VPS8: variants seen among roughly 807,000 people sequenced by gnomAD.
VPS8 encodes VPS8 subunit of CORVET complex.
Under a neutral mutation model 216.4 loss-of-function variants are expected in VPS8, and 129 were observed. That is an observed-to-expected ratio of 0.60 (90% CI 0.52 to 0.69). The LOEUF (loss-of-function observed/expected upper bound fraction) is 0.69, where lower values mean the gene tolerates loss of function less well. Ranked by LOEUF, VPS8 falls within the 30% of genes least tolerant of loss-of-function variation. VPS8 has a pLI of 0.00. For synonymous variants in VPS8, 571 were observed against 565.4 expected (o/e 1.01, Z -0.14); for missense variants, 1,531 against 1,683.5 (o/e 0.91, Z 1.59).
intron 22 of VPS8, among the ~76,000 whole-genome samples, chr3:184,889,934 A>C (rs548893901): frequency 1.3e-5 from 2 of 152,246 alleles, no homozygotes; most frequent in South Asian, 4.1e-4. Flanking sequence ...TATTTCAAAC[A>C]TGCAATGACT....
rs556611709 is a variant in VPS8 at position 184,818,078 on chromosome 3, A to T, written c.-89+5853A>T. ...GGAAGGTGAATCAGCTTGAGCAGAC[A>T]TGAAGGGAAAGTGGAAGCTATTCAT... On this transcript the variant is annotated intron_variant, in intron 1 of 47. Coordinates refer to ENST00000625842, the MANE Select transcript of VPS8 (RefSeq NM_001009921.3). Among the ~76,000 whole-genome samples, 20 of 152,310 alleles carry T rather than the reference A, an allele frequency of 1.3e-4. No individual in the cohort carries two copies. In the South Asian group the frequency reaches 1.5e-3, roughly 11 times the overall value.
chr3:184,957,597 G>T, intron 37 of VPS8, 76 bp downstream of exon 37: 1 of 1,428,838 alleles, frequency 7.0e-7, no homozygotes, highest in Non-Finnish European at 9.3e-7. Flanking sequence ...TCAAAGACAA[G>T]GGGAAAAAAT....
chr3:184,977,001 G>T (rs1475732393), intron 40 of VPS8, among the ~76,000 whole-genome samples: 1 of 152,152 alleles, frequency 6.6e-6, no homozygotes, highest in Non-Finnish European at 1.5e-5. Flanking sequence ...TGGGTCAAAT[G>T]GTAGTTCAAC....
intron 40 of VPS8, among the ~76,000 whole-genome samples, chr3:184,975,146 G>A (rs1349457108): frequency 6.6e-6 from 1 of 152,040 alleles, no homozygotes; most frequent in Non-Finnish European, 1.5e-5. Context: ...ATTGCTTTGG[G>A]TAGTATTGTC....
chr3:184,893,233 G>C, intron 22 of VPS8: 1 of 1,276,100 alleles, frequency 7.8e-7, no homozygotes, highest in Non-Finnish European at 1.0e-6. Context: ...TCCCCTTCCA[G>C]GACTTCAGAT....
intron 46 of VPS8, among the ~76,000 whole-genome samples, chr3:185,032,947 G>A (rs1433074763): frequency 5.3e-5 from 8 of 152,248 alleles, no homozygotes; most frequent in Admixed American, 4.6e-4. Context: ...GATTACAGGC[G>A]TGAGCCACCC....
Position 184,926,376 on chromosome 3 carries a change from C to CAATAAATAAATAAATAAATA in VPS8, c.2575-209_2575-190dup, listed in dbSNP as rs150917702. Among the ~76,000 whole-genome samples, 1,188 of 149,564 alleles carry CAATAAATAAATAAATAAATA rather than the reference C, an allele frequency of 7.9e-3. 16 individuals are homozygous for CAATAAATAAATAAATAAATA. Among genetic ancestry groups the CAATAAATAAATAAATAAATA allele is most frequent in the African/African-American group, 0.029 (1,146 of 39,894 alleles). ...TGGGCGACAGAGTGAGACTCTGTCTCAATAAATAAATAAATAAATAAATAA... is the reference window on the plus strand; with the variant it reads ...TGGGCGACAGAGTGAGACTCTGTCTCAATAAATAAATAAATAAATAAATAAATAAATAAATAAATAAATAA... On this transcript the variant is annotated intron_variant, in intron 30 of 47. Coordinates refer to ENST00000625842, the MANE Select transcript of VPS8 (RefSeq NM_001009921.3).
chr3:184,827,975 A>T (rs1719158618), intron 3 of VPS8, among the ~76,000 whole-genome samples: 2 of 152,188 alleles, frequency 1.3e-5, no homozygotes, highest in Non-Finnish European at 2.9e-5. Context: ...GGCTGTGGGG[A>T]GTACTAAAGA....
chr3:184,982,440 C>A, intron 40 of VPS8, 126 bp from the exon 41 acceptor site: 9 of 556,992 alleles, frequency 1.6e-5, no homozygotes, highest in African/African-American at 1.9e-5. Flanking sequence ...CTAATGTTTA[C>A]CAACAAATGT....
At chr3:185,026,290 A>G (rs1757337120) in intron 46 of VPS8, among the ~76,000 whole-genome samples, 1 of 152,062 alleles carries the variant, frequency 6.6e-6, no homozygotes, top group East Asian at 1.9e-4. Flanking sequence ...ACATGGGAGG[A>G]TGTGCACTGG....
At chr3:184,962,724 AGTGTGTGTGTGTGTGTGTGTGTGT>A (rs10562348) in intron 37 of VPS8, among the ~76,000 whole-genome samples, 2 of 145,800 alleles carry the variant, frequency 1.4e-5, no homozygotes, top group South Asian at 2.2e-4. Flanking sequence ...TTAAGGCTTA[AGTGTGTGTGTGTGTGTGTGTGTGT>A]GTGTGTGTGT....
rs375851372 is a variant in VPS8, at chr3:184,999,682, C to T, written c.3837-14C>T. 19 of 1,595,686 alleles carry T rather than the reference C, an allele frequency of 1.2e-5. No homozygotes were observed. The African/African-American group carries it at 2.2e-4, about 18-fold the overall frequency. The stretch of plus-strand genomic sequence containing the variant: ...GATAATAAAAAGTACAAATTGGTTG[C>T]CTTCGTTTTGCAGCTGTGGCCATTT... On this transcript the variant is annotated splice_polypyrimidine_tract_variant and intron_variant, in intron 44 of 47. Coordinates refer to ENST00000625842, the MANE Select transcript of VPS8 (RefSeq NM_001009921.3).
intron 46 of VPS8, 142 bp from the exon 47 acceptor site, chr3:185,048,337 A>G (rs1009481116): frequency 2.6e-5 from 20 of 773,842 alleles, no homozygotes; most frequent in Non-Finnish European, 3.6e-5. Context: ...TGTTCAGTAT[A>G]TATCTCACTA....
intron 25 of VPS8, among the ~76,000 whole-genome samples, chr3:184,904,254 T>C (rs1188206171): frequency 6.6e-6 from 1 of 152,224 alleles, no homozygotes; most frequent in Admixed American, 6.5e-5. Flanking sequence ...CACCCACTAA[T>C]ACAGTGTTGA....
At chr3:184,914,593 T>G (rs1305085137) in intron 26 of VPS8, among the ~76,000 whole-genome samples, 1 of 152,236 alleles carries the variant, frequency 6.6e-6, no homozygotes, top group Non-Finnish European at 1.5e-5. Flanking sequence ...TTTAACAGTA[T>G]CTGAGAACGC....
At chr3:184,853,791 A>C in intron 11 of VPS8, 66 bp from the exon 12 acceptor site, 1 of 1,518,400 alleles carries the variant, frequency 6.6e-7, no homozygotes, top group Non-Finnish European at 8.9e-7. Flanking sequence ...AAAGTAGTCC[A>C]GGTAGAGATA....
intron 45 of VPS8, among the ~76,000 whole-genome samples, chr3:185,011,664 G>C (rs1160383955): frequency 6.6e-6 from 1 of 152,188 alleles, no homozygotes; most frequent in East Asian, 1.9e-4. Context: ...CTCAAATTTT[G>C]TGTTGAAACT....
intron 25 of VPS8, among the ~76,000 whole-genome samples, chr3:184,910,971 A>G (rs553519755): frequency 1.3e-5 from 2 of 152,306 alleles, no homozygotes; most frequent in South Asian, 4.1e-4. Context: ...GAGTCATTTT[A>G]TAGTCTTAAC....
intron 8 of VPS8, 69 bp downstream of exon 8, chr3:184,843,314 A>C: frequency 8.5e-7 from 1 of 1,179,080 alleles, no homozygotes; most frequent in Non-Finnish European, 1.1e-6. Context: ...AGAGAATGCT[A>C]CCAATTATAG....
Sources: gnomAD v4.1 joint callset for allele counts (sites outside exome capture counted in the v4.1 genomes callset) on GRCh38, gnomAD v4.1.1 for gene constraint, MANE v1.5 for transcripts, NCBI Gene and HGNC (gene_info 2026-07-23, HGNC 2026-07-21) for gene names.